The following COL6A2 variants were observed in gnomAD, a reference collection of about 807,000 sequenced individuals.
COL6A2 encodes the protein collagen alpha-2(VI) chain.
COL6A2 carries 90 observed loss-of-function variants against 124.9 expected under a neutral mutation model. The observed-to-expected ratio is 0.72, with a 90% confidence interval of 0.61 to 0.86. The LOEUF is 0.86. COL6A2 is among the 40% of genes least tolerant of loss of function. The pLI is 0.00. For missense variants in COL6A2, 1,607 were observed against 1,502.5 expected (o/e 1.07, Z -1.15); for synonymous variants, 793 against 618.2 (o/e 1.28, Z -4.19).
rs372946815 is a variant in COL6A2, at chr21:46,116,733, C to T, written c.955-37C>T. On this transcript the variant is annotated intron_variant, in intron 9 of 27. Transcript: ENST00000300527. The surrounding 1 kb of genome is among the most constrained non-coding windows in gnomAD (Gnocchi z 4.6). ...TTCCTGCTGCTCAGGGCAGAAGGAC[C>T]GGGGCTAATGGAGTTCCCTCTTCCT... is the stretch of plus-strand genomic sequence containing the variant. The T allele has an allele frequency of 2.9e-5, 47 of 1,612,882 alleles. No homozygotes were observed. The highest frequency in any genetic ancestry group is 8.9e-5 in the East Asian group (4 of 44,878).
chr21:46,123,540 TGGATGGATGGGA>T (rs2078600832), intron 21 of COL6A2, among the ~76,000 whole-genome samples: 1 of 149,360 alleles, frequency 6.7e-6, no homozygotes, highest in Non-Finnish European at 1.5e-5. Context: ...GGTGGGCAAA[TGGATGGATGGGA>T]GGATGGGTGA....
chr21:46,122,592 T>C lies in COL6A2; in HGVS notation c.1608+61T>C. ...GGTGGGGGTCTGCACGCCCAATTGC[T>C]GGGAACACAATGCCCACCGTCACTG... On this transcript the variant is annotated intron_variant, in intron 20 of 27. Transcript: ENST00000300527. 3 of 1,571,296 alleles carry C rather than the reference T, an allele frequency of 1.9e-6. No homozygotes were observed. In the East Asian group the frequency reaches 6.7e-5, roughly 35 times the overall value.
At position 46,102,724 on chromosome 21, in the gene COL6A2, G is replaced by A. The variant is rs556507526; in HGVS notation, c.-28+4551G>A. On this transcript the variant is annotated intron_variant, in intron 1 of 27. Coordinates refer to ENST00000300527, the MANE Select transcript of COL6A2 (RefSeq NM_001849.4). ...TTGATTGATTTTTTTTTTTTTGTAT[G>A]TTGAACTATCCTTGCACTCCAGAAA... Among the ~76,000 whole-genome samples the A allele has an allele frequency of 9.7e-5, 13 of 134,340 alleles. No homozygotes were observed. The South Asian group carries it at 2.1e-3, about 21-fold the overall frequency. 88.1% of individuals were successfully genotyped at this position (134,340 alleles called of 152,430 possible). A position where few individuals can be genotyped will look rare whatever the true frequency, so the allele number is the denominator to read the frequency against.
chr21:46,126,266 C>T (rs375583633), intron 26 of COL6A2, 29 bp downstream of exon 26: 38 of 1,594,718 alleles, frequency 2.4e-5, no homozygotes, highest in Middle Eastern at 1.6e-4. Flanking sequence ...GGCAGTCGGC[C>T]GAGGAGCAGC....
At chr21:46,131,493 T>C (rs1236686613) in intron 27 of COL6A2, among the ~76,000 whole-genome samples, 1 of 152,190 alleles carries the variant, frequency 6.6e-6, no homozygotes, top group African/African-American at 2.4e-5. Context: ...CAGCCAGCTC[T>C]AGGTGTTCTG....
At position 46,132,176 on chromosome 21, in the gene COL6A2, G is replaced by C. The variant is rs112139050; in HGVS notation, c.2684G>C (p.Ser895Thr). 1.3e-6 allele frequency: 2 copies of C among 1,572,680 alleles called. No individual in the cohort carries two copies. Among genetic ancestry groups the C allele is most frequent in the South Asian group, 2.3e-5 (2 of 86,810 alleles). ...PGEQQVAFPL[S>T]HNLTAIHEAL... Reference sequence around the variant, plus strand: ...GAGCAGCAGGTGGCCTTCCCGCTGAGCCACAACCTCACGGCCATCCACGAG... The same window carrying C: ...GAGCAGCAGGTGGCCTTCCCGCTGACCCACAACCTCACGGCCATCCACGAG... Residue 895 changes from serine to threonine, a missense_variant, in exon 28 of 28, where the codon AGC (serine) becomes ACC (threonine). By Grantham distance (58) the Ser-to-Thr change is moderately conservative. Transcript: ENST00000300527.
intron 27 of COL6A2, among the ~76,000 whole-genome samples, chr21:46,130,306 G>A (rs2078744429): frequency 1.3e-5 from 2 of 152,226 alleles, no homozygotes; most frequent in South Asian, 2.1e-4. Context: ...GTCCTCAGAG[G>A]ACTGAGCAGA....
chr21:46,103,514 CCTGT>C (rs1284286954), intron 1 of COL6A2, among the ~76,000 whole-genome samples: 1 of 152,068 alleles, frequency 6.6e-6, no homozygotes, highest in African/African-American at 2.4e-5. Context: ...CTATTTGAGA[CCTGT>C]CTTTTTTAAT....
At position 46,101,847 on chromosome 21, in the gene COL6A2, A is replaced by ATTT. The variant is rs56083556; in HGVS notation, c.-28+3700_-28+3702dup. Among the ~76,000 whole-genome samples, 13 of 71,508 alleles carry ATTT rather than the reference A, an allele frequency of 1.8e-4. 1 individual carries two copies. The highest frequency in any genetic ancestry group is 7.7e-4 in the African/African-American group (12 of 15,546). 46.9% of individuals were successfully genotyped at this position (71,508 alleles called of 152,430 possible). ...CCCAGCTTTGTTCTTATCTTTCACGATTTTTTTTTTTTTTTTTTTTTTTTT... is the reference window on the plus strand; with the variant it reads ...CCCAGCTTTGTTCTTATCTTTCACGATTTTTTTTTTTTTTTTTTTTTTTTTTTT... On this transcript the variant is annotated intron_variant, in intron 1 of 27. Transcript: ENST00000300527.
intron 12 of COL6A2, among the ~76,000 whole-genome samples, chr21:46,118,154 C>T (rs1236656219): frequency 6.6e-6 from 1 of 152,080 alleles, no homozygotes; most frequent in Admixed American, 6.5e-5. Flanking sequence ...TCACCGAGGC[C>T]TCGGCAACAA....
chr21:46,100,239 G>A (rs928387515), intron 1 of COL6A2, among the ~76,000 whole-genome samples: 2 of 152,132 alleles, frequency 1.3e-5, no homozygotes, highest in Non-Finnish European at 2.9e-5. Context: ...GGGACTACAG[G>A]CATGCACCAC....
intron 21 of COL6A2, among the ~76,000 whole-genome samples, chr21:46,124,156 T>C (rs923958673): frequency 1.3e-5 from 2 of 149,016 alleles, no homozygotes. Context: ...AGTGGATAGA[T>C]AGATGGGTGG....
chr21:46,129,738 C>T (rs1005210027), intron 27 of COL6A2: 13 of 1,370,856 alleles, frequency 9.5e-6, no homozygotes, highest in Admixed American at 6.4e-5. Context: ...TTTATAAGAA[C>T]CCTGGTCATT....
At chr21:46,129,739 C>T in intron 27 of COL6A2, 1 of 1,369,472 alleles carries the variant, frequency 7.3e-7, no homozygotes, top group Non-Finnish European at 9.4e-7. Flanking sequence ...TTATAAGAAC[C>T]CTGGTCATTG....
chr21:46,108,922 C>T (rs1317556283), intron 1 of COL6A2, among the ~76,000 whole-genome samples: 1 of 152,184 alleles, frequency 6.6e-6, no homozygotes, highest in African/African-American at 2.4e-5. Flanking sequence ...GGAGGGTGTG[C>T]AAGACAGAGA....
intron 14 of COL6A2, 75 bp from the exon 15 acceptor site, chr21:46,119,713 G>C: frequency 7.2e-7 from 1 of 1,380,700 alleles, no homozygotes; most frequent in Non-Finnish European, 1.0e-6. Context: ...ATCGGCCCCG[G>C]CACAGCCCCC....
At chr21:46,109,093 A>G (rs2078366956) in intron 1 of COL6A2, among the ~76,000 whole-genome samples, 1 of 151,878 alleles carries the variant, frequency 6.6e-6, no homozygotes, top group Non-Finnish European at 1.5e-5. Context: ...AGGTCATCCC[A>G]TTGTCTCTGC....
At chr21:46,120,798 C>T (rs1311497408) in intron 16 of COL6A2, among the ~76,000 whole-genome samples, 2 of 151,730 alleles carry the variant, frequency 1.3e-5, no homozygotes, top group African/African-American at 2.4e-5. Flanking sequence ...AAGGGCTGCA[C>T]CCCAAAGTAG....
intron 27 of COL6A2, among the ~76,000 whole-genome samples, chr21:46,127,821 C>A (rs1245505040): frequency 3.9e-5 from 6 of 152,188 alleles, no homozygotes; most frequent in Admixed American, 1.3e-4. Context: ...GGTGCTGCGT[C>A]TGTGGATGTC....
Sources: allele counts gnomAD v4.1 joint callset (sites outside exome capture counted in the v4.1 genomes callset), GRCh38; gene constraint gnomAD v4.1.1; non-coding constraint Gnocchi (gnomAD v3.1); transcripts MANE v1.5; gene names NCBI Gene and HGNC (gene_info 2026-07-23, HGNC 2026-07-21).